MACROD2: variants seen among roughly 807,000 people sequenced by gnomAD.
MACROD2 encodes the protein mono-ADP ribosylhydrolase 2.
Under a neutral mutation model 70.4 loss-of-function variants are expected in MACROD2, and 36 were observed. The observed-to-expected ratio is 0.51, with a 90% CI of 0.39 to 0.68. The LOEUF (loss-of-function observed/expected upper bound fraction) is 0.68, where lower values mean the gene tolerates loss of function less well. Among genes scored for constraint, MACROD2 ranks in the 30% least tolerant of loss-of-function variants. The probability of loss-of-function intolerance (pLI) is 0.00; values close to 1 mark genes in which losing one functional copy is unlikely to be tolerated. For synonymous variants in MACROD2, 172 were observed against 178.8 expected (o/e 0.96, Z 0.30); for missense variants, 496 against 538.4 (o/e 0.92, Z 0.78).
Position 16,044,595 on chromosome 20 carries a change from A to G in MACROD2, c.1256A>G (p.Lys419Arg), listed in dbSNP as rs1408761310. ...GTTGAAATGAATAGTCAGGTTGACAAGGTAAATGACCCAACAGAGAGTCAA... is the reference window on the plus strand; with the variant it reads ...GTTGAAATGAATAGTCAGGTTGACAGGGTAAATGACCCAACAGAGAGTCAA... ...PDVEMNSQVD[K>R]VNDPTESQQE... Residue 419 changes from lysine to arginine, a missense_variant, in exon 17 of 18, where the codon AAG (lysine) becomes AGG (arginine). Physicochemically the swap from Lys to Arg is conservative, Grantham distance 26. Transcript: ENST00000684519. 1 of 1,612,946 alleles carries G rather than the reference A, an allele frequency of 6.2e-7. No homozygotes were observed. Among genetic ancestry groups the G allele is most frequent in the Middle Eastern group, 1.7e-4 (1 of 6,058 alleles).
intron 4 of MACROD2, among the ~76,000 whole-genome samples, chr20:14,573,912 C>T (rs1980391336): frequency 6.6e-6 from 1 of 152,136 alleles, no homozygotes; most frequent in African/African-American, 2.4e-5. Context: ...TGGCTTGTTC[C>T]AGTTATGGGA....
chr20:14,227,479 A>G (rs2081751908), intron 3 of MACROD2, among the ~76,000 whole-genome samples: 1 of 151,826 alleles, frequency 6.6e-6, no homozygotes, highest in African/African-American at 2.4e-5. Context: ...ACAACTCCAG[A>G]TGCGCCGCCT....
chr20:15,126,515 A>G (rs1201956411), intron 5 of MACROD2, among the ~76,000 whole-genome samples: 2 of 152,086 alleles, frequency 1.3e-5, no homozygotes, highest in African/African-American at 4.8e-5. Context: ...AATTATTAAA[A>G]TCTTGCAGCT....
intron 10 of MACROD2, among the ~76,000 whole-genome samples, chr20:15,925,215 G>C (rs1343687879): frequency 2.0e-5 from 3 of 152,128 alleles, no homozygotes; most frequent in Admixed American, 6.5e-5. Flanking sequence ...TGAAGTCATT[G>C]GAAGACTTTG....
chr20:14,559,148 A>G (rs1160429626), intron 4 of MACROD2, among the ~76,000 whole-genome samples: 1 of 151,796 alleles, frequency 6.6e-6, no homozygotes, highest in Non-Finnish European at 1.5e-5. Context: ...CAGTATTTAT[A>G]TTTGGTAGCA....
At chr20:14,613,003 G>A (rs1983264743) in intron 4 of MACROD2, among the ~76,000 whole-genome samples, 1 of 152,024 alleles carries the variant, frequency 6.6e-6, no homozygotes, top group African/African-American at 2.4e-5. Context: ...AAGGTTCTGA[G>A]TTCTTCAGTA....
chr20:15,618,726 G>T (rs2049078164), intron 8 of MACROD2, among the ~76,000 whole-genome samples: 1 of 152,192 alleles, frequency 6.6e-6, no homozygotes, highest in Non-Finnish European at 1.5e-5. Context: ...GATGGGAGGG[G>T]CAGAAGCCAT....
At chr20:15,094,112 A>G (rs892168424) in intron 5 of MACROD2, among the ~76,000 whole-genome samples, 1 of 152,228 alleles carries the variant, frequency 6.6e-6, no homozygotes, top group Non-Finnish European at 1.5e-5. Context: ...CACAGCCATA[A>G]CAAATAAATC....
rs914207118 is a variant in MACROD2, at chr20:14,459,117, G to C, written c.272-34362G>C. ...TCTAAGAACTCTGAGTCTTGTAGCAGGTAAGACATTTGTAAGGGCTACTTC... is the reference window on the plus strand; with the variant it reads ...TCTAAGAACTCTGAGTCTTGTAGCACGTAAGACATTTGTAAGGGCTACTTC... On this transcript the variant is annotated intron_variant, in intron 3 of 17. Transcript: ENST00000684519. 8.6e-5 allele frequency among the ~76,000 whole-genome samples: 13 copies of C among 151,998 alleles called. No homozygotes were observed. In the East Asian group the frequency reaches 2.3e-3, roughly 27 times the overall value.
intron 6 of MACROD2, chr20:15,280,629 G>A (rs2077435467): frequency 6.6e-6 from 1 of 152,160 alleles, no homozygotes; most frequent in African/African-American, 2.4e-5. Context: ...AATTTTAATG[G>A]TAGAGCACTT....
At chr20:14,773,116 A>G (rs2072190879) in intron 5 of MACROD2, among the ~76,000 whole-genome samples, 1 of 152,068 alleles carries the variant, frequency 6.6e-6, no homozygotes, top group Non-Finnish European at 1.5e-5. Context: ...AAATTTCTAT[A>G]TGAGCTCACT....
intron 3 of MACROD2, among the ~76,000 whole-genome samples, chr20:14,396,550 T>C (rs1469967308): frequency 6.6e-6 from 1 of 152,228 alleles, no homozygotes; most frequent in Non-Finnish European, 1.5e-5. Flanking sequence ...TGGTATATAC[T>C]GTGACATTCT....
intron 5 of MACROD2, among the ~76,000 whole-genome samples, chr20:15,094,182 T>C (rs1315928621): frequency 5.3e-5 from 8 of 152,214 alleles, no homozygotes; most frequent in Non-Finnish European, 1.0e-4. Context: ...TGGCTTTGAT[T>C]CCTCTTATTT....
At chr20:14,090,043 T>C (rs1046248478) in intron 3 of MACROD2, among the ~76,000 whole-genome samples, 27 of 152,178 alleles carry the variant, frequency 1.8e-4, no homozygotes, top group African/African-American at 6.0e-4. Flanking sequence ...TCCTTCCCCC[T>C]TATTAGTGTT....
At chr20:15,032,287 C>T (rs1238239204) in intron 5 of MACROD2, among the ~76,000 whole-genome samples, 2 of 152,178 alleles carry the variant, frequency 1.3e-5, no homozygotes, top group African/African-American at 4.8e-5. Context: ...TCCCGCCCCG[C>T]CAACTTGGTA....
At chr20:15,986,332 G>T (rs938649164) in intron 13 of MACROD2, among the ~76,000 whole-genome samples, 1 of 152,106 alleles carries the variant, frequency 6.6e-6, no homozygotes, top group South Asian at 2.1e-4. Context: ...TGCAAGTAGT[G>T]TTTTCATTTT....
chr20:16,012,386 AGT>A (rs2066875044), intron 15 of MACROD2, among the ~76,000 whole-genome samples: 1 of 152,170 alleles, frequency 6.6e-6, no homozygotes, highest in Non-Finnish European at 1.5e-5. Flanking sequence ...ATTACCTGGG[AGT>A]GTTCAAAATT....
At chr20:15,321,395 A>C (rs2077872581) in intron 6 of MACROD2, among the ~76,000 whole-genome samples, 1 of 144,316 alleles carries the variant, frequency 6.9e-6, no homozygotes, top group South Asian at 2.3e-4. Flanking sequence ...TTCACTGAGC[A>C]GGCCCATAAA....
chr20:15,443,328 C>G (rs2046520791), intron 7 of MACROD2, among the ~76,000 whole-genome samples: 1 of 152,040 alleles, frequency 6.6e-6, no homozygotes, highest in Admixed American at 6.6e-5. Flanking sequence ...AGAAAATGAT[C>G]ATATGAATAT....
Sources: gnomAD v4.1 joint callset for allele counts (sites outside exome capture counted in the v4.1 genomes callset) on GRCh38, gnomAD v4.1.1 for gene constraint, MANE v1.5 for transcripts, NCBI Gene and HGNC (gene_info 2026-07-23, HGNC 2026-07-21) for gene names.